SLC39A11: variants seen among roughly 807,000 people sequenced by gnomAD.
The protein encoded by SLC39A11 is zinc transporter ZIP11.
A neutral mutation model predicts 36.1 loss-of-function variants in SLC39A11; 33 were observed. That is an observed-to-expected ratio of 0.91 (90% confidence interval 0.69 to 1.22). The LOEUF is 1.22. Ranked by LOEUF, SLC39A11 falls within the 50% of genes most tolerant of loss-of-function variation. The pLI is 0.00. For missense variants in SLC39A11, 432 were observed against 430.3 expected, an observed-to-expected ratio of 1.00 and a Z score of -0.03; for synonymous variants, 166 against 170.3, an observed-to-expected ratio of 0.97 and a Z score of 0.20.
chr17:73,048,638 A>C (rs1255578033), intron 3 of SLC39A11, among the ~76,000 whole-genome samples: 1 of 152,168 alleles, frequency 6.6e-6, no homozygotes, highest in Non-Finnish European at 1.5e-5. Flanking sequence ...GGCTGAACTA[A>C]TTCTAGCCCT....
intron 5 of SLC39A11, among the ~76,000 whole-genome samples, chr17:72,886,320 C>T (rs750158952): frequency 5.9e-5 from 9 of 152,212 alleles, no homozygotes; most frequent in Non-Finnish European, 1.0e-4. Context: ...GCCTACTTGA[C>T]GTTACCACTT....
chr17:72,980,183 T>C (rs910398168), intron 4 of SLC39A11, among the ~76,000 whole-genome samples: 1 of 152,200 alleles, frequency 6.6e-6, no homozygotes, highest in Non-Finnish European at 1.5e-5. Context: ...CAAAAAAAGG[T>C]ATTTTGTTTG....
intron 4 of SLC39A11, among the ~76,000 whole-genome samples, chr17:73,015,130 C>T (rs2090738872): frequency 2.0e-5 from 3 of 152,218 alleles, no homozygotes; most frequent in Non-Finnish European, 4.4e-5. Context: ...CTCACAGCCA[C>T]TGAAGTCTGA....
chr17:73,088,525 C>G, intron 2 of SLC39A11, 132 bp downstream of exon 2: 3 of 677,956 alleles, frequency 4.4e-6, no homozygotes, highest in Non-Finnish European at 7.9e-6. Flanking sequence ...AGCGAACAAA[C>G]CCCAGTACAC....
chr17:73,028,106 T>G (rs774208142), intron 4 of SLC39A11, among the ~76,000 whole-genome samples: 1 of 152,162 alleles, frequency 6.6e-6, no homozygotes, highest in Non-Finnish European at 1.5e-5. Context: ...ATCCGCTGAA[T>G]TGTGGGACTC....
chr17:72,868,641 A>G (rs908285044), intron 5 of SLC39A11, among the ~76,000 whole-genome samples: 218 of 149,730 alleles, frequency 1.5e-3, no homozygotes, highest in Admixed American at 2.4e-3. Flanking sequence ...AAAAAAAAAA[A>G]AAAAAAAAGA....
intron 5 of SLC39A11, among the ~76,000 whole-genome samples, chr17:72,884,553 C>T (rs921956365): frequency 3.9e-5 from 6 of 152,196 alleles, no homozygotes; most frequent in East Asian, 1.9e-4. Context: ...CGCTGTGTCT[C>T]GCTTTGGATT....
At chr17:72,650,867 G>A (rs564949090) in intron 7 of SLC39A11, among the ~76,000 whole-genome samples, 3 of 152,232 alleles carry the variant, frequency 2.0e-5, no homozygotes, top group Admixed American at 6.5e-5. Context: ...GGACACACTC[G>A]TGGCCCTGAA....
At chr17:72,716,992 T>TATATATAC (rs773086532) in intron 7 of SLC39A11, among the ~76,000 whole-genome samples, 1,604 of 126,378 alleles carry the variant, frequency 0.013, 10 homozygotes, top group Middle Eastern at 0.025. Flanking sequence ...TATATATATA[T>TATATATAC]ACACACACAC....
At chr17:73,020,944 G>C (rs142080810) in intron 4 of SLC39A11, among the ~76,000 whole-genome samples, 320 of 152,166 alleles carry the variant, frequency 2.1e-3, no homozygotes, top group East Asian at 0.018. Flanking sequence ...GCTTCCCAAA[G>C]TGCTGAGATT....
At chr17:72,872,018 G>A (rs575959642) in intron 5 of SLC39A11, among the ~76,000 whole-genome samples, 107 of 152,272 alleles carry the variant, frequency 7.0e-4, no homozygotes, top group African/African-American at 2.4e-3. Flanking sequence ...ATTGCTTGGT[G>A]TAGGAACACT....
At chr17:72,934,038 A>G (rs1481663886) in intron 5 of SLC39A11, among the ~76,000 whole-genome samples, 1 of 152,158 alleles carries the variant, frequency 6.6e-6, no homozygotes, top group Non-Finnish European at 1.5e-5. Flanking sequence ...TATGAAAAAA[A>G]AAAACTCAAC....
chr17:72,850,630 T>C, intron 5 of SLC39A11, among the ~76,000 whole-genome samples: 1 of 152,218 alleles, frequency 6.6e-6, no homozygotes, highest in East Asian at 1.9e-4. Flanking sequence ...CTTCCCTTCC[T>C]GACTCAGCCA....
chr17:73,074,443 G>A (rs924758133), intron 3 of SLC39A11, among the ~76,000 whole-genome samples: 1 of 151,780 alleles, frequency 6.6e-6, no homozygotes, highest in Admixed American at 6.6e-5. Flanking sequence ...GATTAAATGC[G>A]CCCACCACCA....
At chr17:72,822,354 TAG>T (rs1210946089) in intron 6 of SLC39A11, among the ~76,000 whole-genome samples, 2 of 148,116 alleles carry the variant, frequency 1.4e-5, no homozygotes, top group Non-Finnish European at 1.5e-5. Context: ...AATATATATA[TAG>T]AGAGAGAGAG....
At chr17:72,868,725 T>A (rs2080451425) in intron 5 of SLC39A11, among the ~76,000 whole-genome samples, 1 of 150,794 alleles carries the variant, frequency 6.6e-6, no homozygotes, top group African/African-American at 2.4e-5. Flanking sequence ...GGGAGGATAG[T>A]TTGAGCCCAG....
At chr17:72,910,682 T>C (rs954934431) in intron 5 of SLC39A11, among the ~76,000 whole-genome samples, 3 of 144,202 alleles carry the variant, frequency 2.1e-5, no homozygotes, top group African/African-American at 7.8e-5. Context: ...ATCCCAATAC[T>C]TTGGGAGGCC....
At chr17:72,792,165 C>A (rs888339766) in intron 6 of SLC39A11, among the ~76,000 whole-genome samples, 1 of 152,158 alleles carries the variant, frequency 6.6e-6, no homozygotes, top group African/African-American at 2.4e-5. Flanking sequence ...GCTGCACAGA[C>A]TAGTGACATA....
intron 6 of SLC39A11, among the ~76,000 whole-genome samples, chr17:72,847,632 T>C (rs1475940358): frequency 6.6e-6 from 1 of 152,102 alleles, no homozygotes; most frequent in African/African-American, 2.4e-5. Context: ...ATTAAACACA[T>C]AGTGCTTTCG....
Sources: allele counts gnomAD v4.1 joint callset (sites outside exome capture counted in the v4.1 genomes callset), GRCh38; gene constraint gnomAD v4.1.1; transcripts MANE v1.5; gene names NCBI Gene and HGNC (gene_info 2026-07-23, HGNC 2026-07-21).